The following UNC13C variants were observed in gnomAD, a reference collection of about 807,000 sequenced individuals.
The protein encoded by UNC13C is unc-13 homolog C.
UNC13C carries 174 observed loss-of-function variants against 245.4 expected under a neutral mutation model. The ratio of observed to expected loss-of-function variants is 0.71; its 90% CI spans 0.63 to 0.80. The LOEUF (loss-of-function observed/expected upper bound fraction) is 0.80, where lower values mean the gene tolerates loss of function less well. Ranked by LOEUF, UNC13C falls within the 30% of genes least tolerant of loss-of-function variation. The pLI, the probability that UNC13C is intolerant of heterozygous loss-of-function variation, is 0.00. For missense variants in UNC13C, 2,829 were observed against 2,602.9 expected (o/e 1.09, Z -1.89); for synonymous variants, 992 against 895.1 (o/e 1.11, Z -1.93).
At chr15:53,929,797 T>C in the UNC13C span, among the ~76,000 whole-genome samples, 434 of 152,318 alleles carry the variant, frequency 2.8e-3, no homozygotes, top group African/African-American at 0.01. Context: ...TTTTCAAATG[T>C]AGCTCTTCAT....
chr15:54,097,461 G>T (rs888072401), intron 2 of UNC13C, among the ~76,000 whole-genome samples: 2 of 152,120 alleles, frequency 1.3e-5, no homozygotes, highest in Admixed American at 6.6e-5. Context: ...CGGTACTGAT[G>T]AATTACAATG....
chr15:54,085,393 A>G (rs1197383364), intron 2 of UNC13C, among the ~76,000 whole-genome samples: 2 of 152,144 alleles, frequency 1.3e-5, no homozygotes, highest in African/African-American at 2.4e-5. Flanking sequence ...AGTAATCCCT[A>G]TACTCAACCT....
Position 54,592,863 on chromosome 15 carries a change from GTTTT to G in UNC13C, c.6106+24929_6106+24932del, listed in dbSNP as rs56152927. Among the ~76,000 whole-genome samples, 53 of 134,164 alleles carry G rather than the reference GTTTT, an allele frequency of 4.0e-4. 1 individual carries two copies. The highest frequency in any genetic ancestry group is 1.3e-3 in the African/African-American group (46 of 36,530). 88.0% of individuals were successfully genotyped at this position (134,164 alleles called of 152,430 possible). ...TTGTTGCCTGTGTACTTTGTTTTTT[GTTTT>G]TTTTTTTTTTTTACTTGTATTTTTG... On this transcript the variant is annotated intron_variant, in intron 30 of 32. Transcript: ENST00000260323.
At chr15:54,497,630 A>C (rs1894015878) in intron 20 of UNC13C, among the ~76,000 whole-genome samples, 1 of 152,130 alleles carries the variant, frequency 6.6e-6, no homozygotes, top group African/African-American at 2.4e-5. Flanking sequence ...TAGCAGTCTC[A>C]TAGTGCTGAA....
At chr15:53,905,774 C>T in the UNC13C span, among the ~76,000 whole-genome samples, 1 of 151,898 alleles carries the variant, frequency 6.6e-6, no homozygotes, top group African/African-American at 2.4e-5. Flanking sequence ...ATGTTCTCAC[C>T]ACACACACAA....
chr15:53,903,266 C>A, the UNC13C span, among the ~76,000 whole-genome samples: 1 of 152,188 alleles, frequency 6.6e-6, no homozygotes, highest in Non-Finnish European at 1.5e-5. Context: ...TAACATATTA[C>A]AATTTCCTGG....
At chr15:54,445,194 T>G (rs987096071) in intron 19 of UNC13C, among the ~76,000 whole-genome samples, 2 of 152,134 alleles carry the variant, frequency 1.3e-5, no homozygotes, top group Non-Finnish European at 2.9e-5. Context: ...ATGTGCCACA[T>G]TTTCTTAATC....
chr15:53,971,669 CTTTCT>C, the UNC13C span, among the ~76,000 whole-genome samples: 1 of 152,068 alleles, frequency 6.6e-6, no homozygotes, highest in Non-Finnish European at 1.5e-5. Flanking sequence ...AAAAAGTATA[CTTTCT>C]TTTAAGAAAT....
At chr15:54,165,046 C>T (rs1023796685) in intron 4 of UNC13C, among the ~76,000 whole-genome samples, 6 of 152,116 alleles carry the variant, frequency 3.9e-5, no homozygotes, top group Non-Finnish European at 8.8e-5. Flanking sequence ...AATCAATACT[C>T]ATTTTAAAAT....
chr15:54,549,487 T>G (rs1383335636), intron 27 of UNC13C, 148 bp from the exon 28 acceptor site: 4 of 595,110 alleles, frequency 6.7e-6, no homozygotes, highest in Non-Finnish European at 8.6e-6. Flanking sequence ...TTTGACCCAA[T>G]CTTTATAATA....
intron 2 of UNC13C, among the ~76,000 whole-genome samples, chr15:54,114,330 C>T (rs1281437669): frequency 6.6e-6 from 1 of 152,122 alleles, no homozygotes. Flanking sequence ...TCCTTCCTTC[C>T]TTAGGGGCAA....
chr15:54,205,974 T>A (rs532971537), intron 4 of UNC13C, among the ~76,000 whole-genome samples: 1 of 152,070 alleles, frequency 6.6e-6, no homozygotes, highest in Non-Finnish European at 1.5e-5. Context: ...GCTGAACTAA[T>A]AAGTTGTTAC....
At chr15:53,950,697 C>G in the UNC13C span, among the ~76,000 whole-genome samples, 1 of 152,168 alleles carries the variant, frequency 6.6e-6, no homozygotes, top group Non-Finnish European at 1.5e-5. Context: ...TGGAGAAAAT[C>G]ACATTTGATT....
intron 4 of UNC13C, among the ~76,000 whole-genome samples, chr15:54,205,974 T>C (rs532971537): frequency 1.3e-5 from 2 of 152,186 alleles, no homozygotes; most frequent in South Asian, 4.1e-4. Flanking sequence ...GCTGAACTAA[T>C]AAGTTGTTAC....
At chr15:53,891,206 G>A in the UNC13C span, among the ~76,000 whole-genome samples, 5 of 152,168 alleles carry the variant, frequency 3.3e-5, no homozygotes, top group African/African-American at 1.2e-4. Flanking sequence ...GTTCTAATTT[G>A]ATTGCACTGT....
chr15:54,132,074 C>CTTTTTTTTTCTTTTTCTTTTTTTTTTTT (rs6145565), intron 2 of UNC13C, among the ~76,000 whole-genome samples: 102 of 110,650 alleles, frequency 9.2e-4, no homozygotes, highest in African/African-American at 3.0e-3. Flanking sequence ...TTTTCTTTTT[C>CTTTTTTTTTCTTTTTCTTTTTTTTTTTT]TTTTTTTTTT....
At chr15:54,136,575 G>A (rs2031744098) in intron 2 of UNC13C, among the ~76,000 whole-genome samples, 1 of 151,902 alleles carries the variant, frequency 6.6e-6, no homozygotes, top group Non-Finnish European at 1.5e-5. Context: ...AGAACTTCTA[G>A]TACTATGCTG....
intron 2 of UNC13C, among the ~76,000 whole-genome samples, chr15:54,127,209 A>G (rs1265910459): frequency 6.6e-6 from 1 of 152,218 alleles, no homozygotes; most frequent in Non-Finnish European, 1.5e-5. Context: ...TACTGGGTAT[A>G]TACCCAAAGG....
At chr15:54,527,296 G>A (rs1008958601) in intron 25 of UNC13C, among the ~76,000 whole-genome samples, 2 of 152,084 alleles carry the variant, frequency 1.3e-5, no homozygotes, top group African/African-American at 4.8e-5. Flanking sequence ...GTCTCTCTTT[G>A]TTCTAGTTGC....
Sources: gnomAD v4.1 joint callset for allele counts (sites outside exome capture counted in the v4.1 genomes callset) on GRCh38, gnomAD v4.1.1 for gene constraint, MANE v1.5 for transcripts, NCBI Gene and HGNC (gene_info 2026-07-23, HGNC 2026-07-21) for gene names.